The following ANK3 variants were observed in gnomAD, a reference collection of about 807,000 sequenced individuals.
ANK3 encodes ankyrin 3, also known as ankyrin-3.
Under a neutral mutation model 370.9 loss-of-function variants are expected in ANK3, and 57 were observed. The observed-to-expected ratio is 0.15, with a 90% CI of 0.12 to 0.19. The LOEUF (loss-of-function observed/expected upper bound fraction) is 0.19, where lower values mean the gene tolerates loss of function less well. ANK3 is among the 10% of genes least tolerant of loss of function. The pLI is 1.00. For synonymous variants in ANK3, 1,929 were observed against 1,946.3 expected (o/e 0.99, Z 0.23); for missense variants, 4,439 against 5,302.1 (o/e 0.84, Z 5.06).
intron 1 of ANK3, among the ~76,000 whole-genome samples, chr10:60,650,870 G>A (rs1416081448): frequency 1.3e-5 from 2 of 152,164 alleles, no homozygotes; most frequent in Non-Finnish European, 2.9e-5. Flanking sequence ...AATTGCTTGA[G>A]TTCAGAAGTT....
chr10:60,109,951 TAAATC>T (rs1376981646), intron 26 of ANK3, among the ~76,000 whole-genome samples: 4 of 152,174 alleles, frequency 2.6e-5, no homozygotes, highest in African/African-American at 9.7e-5. Flanking sequence ...TAAGTAAACA[TAAATC>T]AATGAGTTCA....
chr10:60,397,811 G>A (rs1475144565), intron 2 of ANK3, among the ~76,000 whole-genome samples: 1 of 152,134 alleles, frequency 6.6e-6, no homozygotes, highest in Non-Finnish European at 1.5e-5. Flanking sequence ...CAGTCTGTCT[G>A]GAATATAAGG....
intron 42 of ANK3, among the ~76,000 whole-genome samples, chr10:60,045,915 CA>C (rs1397983014): frequency 2.6e-5 from 2 of 75,768 alleles, no homozygotes; most frequent in African/African-American, 3.8e-5. Context: ...GTTTTGTTCT[CA>C]TTTTTTTTTT....
rs370076080 is a variant in ANK3, at chr10:60,319,963, G to C, written c.115-40324C>G. On this transcript the variant is annotated intron_variant, in intron 1 of 43. Transcript: ENST00000280772. ...CTCCAGAGGAATTCCTGGAGAAAAGGGACCCCAGTTTCCCTCAGCCTTCTG... is the reference window on the plus strand; with the variant it reads ...CTCCAGAGGAATTCCTGGAGAAAAGCGACCCCAGTTTCCCTCAGCCTTCTG... Among the ~76,000 whole-genome samples the C allele has an allele frequency of 5.2e-4, 79 of 152,190 alleles. 1 individual carries two copies. In the South Asian group the frequency reaches 0.012, roughly 24 times the overall value.
chr10:60,712,470 C>A (rs1273512712), intron 1 of ANK3, among the ~76,000 whole-genome samples: 3 of 151,978 alleles, frequency 2.0e-5, no homozygotes, highest in African/African-American at 7.3e-5. Flanking sequence ...CTAGGGAAAC[C>A]ACCAAAATAT....
intron 8 of ANK3, among the ~76,000 whole-genome samples, chr10:60,216,904 T>G (rs964792783): frequency 2.0e-5 from 3 of 152,164 alleles, no homozygotes; most frequent in Admixed American, 1.3e-4. Context: ...CCTGGGCTTT[T>G]TTTGGTTGGT....
chr10:60,447,196 A>T (rs2064471118), intron 2 of ANK3, among the ~76,000 whole-genome samples: 1 of 152,198 alleles, frequency 6.6e-6, no homozygotes. Flanking sequence ...GGCTTCCCTC[A>T]GAGAGGAAGA....
intron 2 of ANK3, among the ~76,000 whole-genome samples, chr10:60,417,287 G>A (rs1343141511): frequency 3.3e-5 from 5 of 152,152 alleles, no homozygotes; most frequent in African/African-American, 1.2e-4. Context: ...TGATCCAGGT[G>A]GTTTGAGAAA....
intron 2 of ANK3, among the ~76,000 whole-genome samples, chr10:60,592,443 G>A (rs1217816068): frequency 6.6e-6 from 1 of 152,190 alleles, no homozygotes; most frequent in Non-Finnish European, 1.5e-5. Context: ...GAGGAATCAA[G>A]TGAATAATTG....
At position 60,582,109 on chromosome 10, in the gene ANK3, T is replaced by C. The variant is rs1041402821; in HGVS notation, c.96+33077A>G. ...ACACAGGGAGGGGAACATCACACAC[T>C]GGGGCTTGTCAGGGGTTGCGGGGCT... On this transcript the variant is annotated intron_variant, in intron 2 of 43. Transcript: ENST00000373827. Among the ~76,000 whole-genome samples the C allele has an allele frequency of 2.6e-5, 4 of 151,792 alleles. No homozygotes were observed. The East Asian group carries it at 5.9e-4, about 22-fold the overall frequency.
intron 2 of ANK3, among the ~76,000 whole-genome samples, chr10:60,395,858 C>T (rs2063227699): frequency 6.6e-6 from 1 of 152,126 alleles, no homozygotes; most frequent in Non-Finnish European, 1.5e-5. Flanking sequence ...TTAGAACACA[C>T]AGACAGGTGC....
At chr10:60,472,845 T>C (rs767720970) in intron 2 of ANK3, among the ~76,000 whole-genome samples, 1 of 152,156 alleles carries the variant, frequency 6.6e-6, no homozygotes, top group Admixed American at 6.6e-5. Context: ...ACTGAGATTT[T>C]AAACTTATAC....
chr10:60,300,520 T>C lies in ANK3; in HGVS notation c.115-20881A>G, dbSNP rs965264880. The C allele has an allele frequency of 6.5e-6, 8 of 1,226,534 alleles. No homozygotes were observed. The African/African-American group carries it at 1.3e-4, about 19-fold the overall frequency. 76.0% of individuals were successfully genotyped at this position (1,226,534 alleles called of 1,614,324 possible). A position where few individuals can be genotyped will look rare whatever the true frequency, so the allele number is the denominator to read the frequency against. On this transcript the variant is annotated intron_variant, in intron 1 of 43. Transcript: ENST00000280772. Reference sequence around the variant, plus strand: ...CTAACTAGAGTATTTAAATGGAGGGTGGGCGGGGCAGACAAGAGTACAGAA... The same window carrying C: ...CTAACTAGAGTATTTAAATGGAGGGCGGGCGGGGCAGACAAGAGTACAGAA...
chr10:60,728,930 A>G (rs1008856105), intron 1 of ANK3, among the ~76,000 whole-genome samples: 2 of 152,190 alleles, frequency 1.3e-5, no homozygotes, highest in African/African-American at 4.8e-5. Context: ...TGAGAGGCAT[A>G]ATAAATCATG....
In ANK3 at chr10:60,073,144, C is replaced by T; in HGVS notation, c.7737G>A (p.Arg2579=). 2 of 1,614,148 alleles carry T rather than the reference C, an allele frequency of 1.2e-6. No homozygotes were observed. Among genetic ancestry groups the T allele is most frequent in the Non-Finnish European group, 1.7e-6 (2 of 1,180,022 alleles). ...GTTTTTCTTCAGCCTCCTTCACAGT[C>T]CTGTCCACCCTATCTTCATATATCA... is the stretch of plus-strand genomic sequence containing the variant. ...EKLIYEDRVD[R]TVKEAEEKLT... Residue 2579 remains arginine (R), a synonymous_variant, in exon 37 of 44, where the codon AGG becomes AGA. Coordinates refer to ENST00000280772, the MANE Select transcript of ANK3 (RefSeq NM_020987.5).
chr10:60,488,046 C>T (rs1295385538), intron 2 of ANK3, among the ~76,000 whole-genome samples: 2 of 152,052 alleles, frequency 1.3e-5, no homozygotes, highest in Non-Finnish European at 2.9e-5. Context: ...AGAACAAACA[C>T]ATATGAATAG....
rs1162712744 is a variant in ANK3, at chr10:60,083,692, C to T, written c.4075-75G>A. On this transcript the variant is annotated intron_variant, in intron 32 of 43. Transcript: ENST00000280772. ...TATTTTGAGATTTTATGTCACGTAA[C>T]GTTAAAAGACTGACGTTACTATGTT... is the stretch of plus-strand genomic sequence containing the variant. The T allele has an allele frequency of 9.3e-6, 12 of 1,287,300 alleles. No individual in the cohort carries two copies. The Admixed American group carries it at 2.0e-4, about 21-fold the overall frequency. 79.7% of individuals were successfully genotyped at this position (1,287,300 alleles called of 1,614,324 possible).
At chr10:60,176,432 T>C (rs189400084) in intron 18 of ANK3, among the ~76,000 whole-genome samples, 1 of 151,682 alleles carries the variant, frequency 6.6e-6, no homozygotes, top group East Asian at 1.9e-4. Context: ...TTTCTAACTC[T>C]GGCTCAGCCT....
At chr10:60,130,900 A>AT (rs1231991767) in intron 25 of ANK3, among the ~76,000 whole-genome samples, 1 of 152,186 alleles carries the variant, frequency 6.6e-6, no homozygotes, top group East Asian at 1.9e-4. Flanking sequence ...CCAAGTTACT[A>AT]TTTTGAAATT....
Sources: gnomAD v4.1 joint callset for allele counts (sites outside exome capture counted in the v4.1 genomes callset) on GRCh38, gnomAD v4.1.1 for gene constraint, MANE v1.5 for transcripts, NCBI Gene and HGNC (gene_info 2026-07-23, HGNC 2026-07-21) for gene names.